CACNA2D2: variants seen among roughly 807,000 people sequenced by gnomAD.
The protein encoded by CACNA2D2 is calcium voltage-gated channel auxiliary subunit alpha2delta 2.
Under a neutral mutation model 166.4 loss-of-function variants are expected in CACNA2D2, and 48 were observed. The ratio of observed to expected loss-of-function variants is 0.29; its 90% CI spans 0.23 to 0.37. CACNA2D2 has a LOEUF of 0.37. CACNA2D2 is among the 10% of genes least tolerant of loss of function. CACNA2D2 has a pLI of 1.00. For missense variants in CACNA2D2, 1,122 were observed against 1,433.0 expected, an observed-to-expected ratio of 0.78 and a Z score of 3.50; for synonymous variants, 561 against 573.7, an observed-to-expected ratio of 0.98 and a Z score of 0.32.
chr3:50,381,898 C>A (rs1364579905), intron 6 of CACNA2D2, among the ~76,000 whole-genome samples: 1 of 151,818 alleles, frequency 6.6e-6, no homozygotes, highest in Admixed American at 6.6e-5. Flanking sequence ...CTGCTCACAA[C>A]CCCCTACCAT....
intron 1 of CACNA2D2, among the ~76,000 whole-genome samples, chr3:50,483,807 T>TGCCTGAG (rs1698162297): frequency 6.6e-6 from 1 of 152,202 alleles, no homozygotes; most frequent in African/African-American, 2.4e-5. Context: ...GGGCCCTCCC[T>TGCCTGAG]GCCTGAGGCC....
intron 3 of CACNA2D2, among the ~76,000 whole-genome samples, chr3:50,414,852 C>T (rs1423481731): frequency 3.9e-5 from 6 of 152,214 alleles, no homozygotes; most frequent in African/African-American, 9.6e-5. Flanking sequence ...CGCAGGGCTC[C>T]GGGAGCCCAC....
intron 2 of CACNA2D2, among the ~76,000 whole-genome samples, chr3:50,452,753 A>G (rs1709161558): frequency 6.6e-6 from 1 of 152,202 alleles, no homozygotes; most frequent in Non-Finnish European, 1.5e-5. Context: ...AAAGCACAGG[A>G]CTTTATCACA....
chr3:50,376,998 GGGCCAGGTCT>G lies in CACNA2D2; in HGVS notation c.1626+459_1626+468del, dbSNP rs1327519728. 6.6e-6 allele frequency among the ~76,000 whole-genome samples: 1 copy of G among 152,252 alleles called. No individual in the cohort carries two copies. Among genetic ancestry groups the G allele is most frequent in the African/African-American group, 2.4e-5 (1 of 41,470 alleles). ...CTGGGACACTCCTGCCTATGTGCAT[GGGCCAGGTCT>G]GGCCTGCTGCCCATTACTATGTGGC... On this transcript the variant is annotated intron_variant, in intron 17 of 37. Transcript: ENST00000424201. This position sits in a 1 kb window ranked among gnomAD's most constrained non-coding sequence, Gnocchi z 4.3.
intron 2 of CACNA2D2, among the ~76,000 whole-genome samples, chr3:50,441,951 C>A (rs1283940153): frequency 1.3e-5 from 2 of 152,192 alleles, no homozygotes; most frequent in Admixed American, 6.5e-5. Flanking sequence ...GTAGTGAGCC[C>A]CCCACCACAG....
chr3:50,414,311 A>G (rs1377943298), intron 3 of CACNA2D2, among the ~76,000 whole-genome samples: 1 of 152,098 alleles, frequency 6.6e-6, no homozygotes, highest in Non-Finnish European at 1.5e-5. Context: ...TACAGTGAAC[A>G]GCTCTGCCTT....
chr3:50,425,336 C>T (rs935519701), intron 3 of CACNA2D2, among the ~76,000 whole-genome samples: 4 of 152,218 alleles, frequency 2.6e-5, no homozygotes, highest in Admixed American at 2.0e-4. Context: ...TGCCTTCCTT[C>T]TTCCTTTCTT....
chr3:50,381,372 G>A (rs1318265627), intron 6 of CACNA2D2, among the ~76,000 whole-genome samples: 2 of 152,104 alleles, frequency 1.3e-5, no homozygotes, highest in African/African-American at 4.8e-5. Context: ...GGTCCCACAT[G>A]AGCAGGCAGG....
Position 50,364,693 on chromosome 3 carries a change from G to A in CACNA2D2, c.3405C>T (p.Val1135=). 1 of 1,542,850 alleles carries A rather than the reference G, an allele frequency of 6.5e-7. No individual in the cohort carries two copies. Residue 1135 remains valine (V), a synonymous_variant, in exon 38 of 38, where the codon GTC becomes GTT. Transcript: ENST00000424201. ...AGAGGCGGCGAGAGGCGTGGACGAG[G>A]ACTTGAGGCTGCGGCCGGGGCGGCA... ...LGLPPRPQPQ[V]LVHASRRL
intron 1 of CACNA2D2, among the ~76,000 whole-genome samples, chr3:50,477,607 C>T (rs1697844995): frequency 6.6e-6 from 1 of 152,212 alleles, no homozygotes; most frequent in East Asian, 1.9e-4. Flanking sequence ...GGTATCTCAA[C>T]TTCTCCATCC....
At chr3:50,370,181 A>C in intron 23 of CACNA2D2, 139 bp downstream of exon 23, 1 of 672,902 alleles carries the variant, frequency 1.5e-6, no homozygotes, top group Non-Finnish European at 2.7e-6. Flanking sequence ...ACAGCCGCGC[A>C]TACCGGGCGA....
chr3:50,384,230 C>T lies in CACNA2D2; in HGVS notation c.618G>A (p.Ala206=), dbSNP rs764966137. Residue 206 remains alanine, a synonymous_variant, in exon 6 of 38, where the codon GCG becomes GCA. Coordinates refer to ENST00000424201, the MANE Select transcript of CACNA2D2 (RefSeq NM_006030.4). ...AGATGTCCGTAGGGATCTGTACAGCCGCGTATGAATAGTTGACCTTGTTCT... is the reference window on the plus strand; with the variant it reads ...AGATGTCCGTAGGGATCTGTACAGCTGCGTATGAATAGTTGACCTTGTTCT... ...NFKNKVNYSY[A]AVQIPTDIYK... The T allele has an allele frequency of 1.8e-5, 29 of 1,614,170 alleles. No individual in the cohort carries two copies. Among genetic ancestry groups the T allele is most frequent in the East Asian group, 1.8e-4 (8 of 44,882 alleles).
chr3:50,375,600 G>T lies in CACNA2D2; in HGVS notation c.1907+44C>A. The stretch of plus-strand genomic sequence containing the variant: ...GGGGACAGCTGGGCTCAGATTCTGG[G>T]GCCACCCCACCCTCTCTGCCCGCCC... On this transcript the variant is annotated intron_variant, in intron 21 of 37. Coordinates refer to ENST00000424201, the MANE Select transcript of CACNA2D2 (RefSeq NM_006030.4). The surrounding 1 kb of genome is among the most constrained non-coding windows in gnomAD (Gnocchi z 4.0). 6.2e-7 allele frequency: 1 copy of T among 1,600,340 alleles called. No homozygotes were observed. The highest frequency in any genetic ancestry group is 8.5e-7 in the Non-Finnish European group (1 of 1,170,768).
At chr3:50,500,711 A>C (rs1178563473) in intron 1 of CACNA2D2, among the ~76,000 whole-genome samples, 2 of 150,538 alleles carry the variant, frequency 1.3e-5, no homozygotes, top group African/African-American at 2.4e-5. Flanking sequence ...CTTGTTTGAA[A>C]CTCTGATCCA....
intron 2 of CACNA2D2, among the ~76,000 whole-genome samples, chr3:50,466,730 T>C (rs1359075936): frequency 6.6e-6 from 1 of 152,210 alleles, no homozygotes; most frequent in East Asian, 1.9e-4. Flanking sequence ...GCTAGCTGCC[T>C]TCCCAGTCTG....
intron 2 of CACNA2D2, among the ~76,000 whole-genome samples, chr3:50,442,984 G>A (rs1311479645): frequency 4.6e-5 from 7 of 152,184 alleles, no homozygotes; most frequent in Admixed American, 3.9e-4. Flanking sequence ...ATGTGGCCTG[G>A]AATAGCATCG....
At chr3:50,433,617 T>C (rs1026657557) in intron 3 of CACNA2D2, among the ~76,000 whole-genome samples, 1 of 152,098 alleles carries the variant, frequency 6.6e-6, no homozygotes, top group Admixed American at 6.5e-5. Context: ...TCTCACTCAT[T>C]TACGTATGAC....
At position 50,363,287 on chromosome 3, in the gene CACNA2D2, C is replaced by A; in HGVS notation, c.*1379G>T. On this transcript the variant is annotated 3_prime_UTR_variant, in exon 38 of 38. Coordinates refer to ENST00000424201, the MANE Select transcript of CACNA2D2 (RefSeq NM_006030.4). ...ACACACACACTGAGAAAGCGACAAG[C>A]AACATGACATTAATTAACGAAGCCA... The A allele has an allele frequency of 2.5e-6, 1 of 398,848 alleles. No individual in the cohort carries two copies. The highest frequency in any genetic ancestry group is 4.4e-6 in the Non-Finnish European group (1 of 226,070). The allele number at this position is 398,848 out of a possible 1,614,324, so 24.7% of individuals were successfully genotyped here.
At chr3:50,442,605 A>G (rs1708650205) in intron 2 of CACNA2D2, among the ~76,000 whole-genome samples, 1 of 152,326 alleles carries the variant, frequency 6.6e-6, no homozygotes, top group East Asian at 1.9e-4. Context: ...AGGTATTCAC[A>G]GAATTCACAG....
Sources: allele counts gnomAD v4.1 joint callset (sites outside exome capture counted in the v4.1 genomes callset), GRCh38; gene constraint gnomAD v4.1.1; non-coding constraint Gnocchi (gnomAD v3.1); transcripts MANE v1.5; gene names NCBI Gene and HGNC (gene_info 2026-07-23, HGNC 2026-07-21).